Variants in SMC4 observed in about 807,000 individuals in gnomAD.
The protein encoded by SMC4 is structural maintenance of chromosomes 4.
In SMC4, 87 loss-of-function variants were observed where a neutral mutation model predicts 145.6. The ratio of observed to expected loss-of-function variants is 0.60; its 90% CI spans 0.50 to 0.71. The LOEUF (loss-of-function observed/expected upper bound fraction) is 0.71. Ranked by LOEUF, SMC4 falls within the 30% of genes least tolerant of loss-of-function variation. The pLI, the probability that SMC4 is intolerant of heterozygous loss-of-function variation, is 0.00. For missense variants in SMC4, 1,447 were observed against 1,537.1 expected, an observed-to-expected ratio of 0.94 and a Z score of 0.98; for synonymous variants, 558 against 500.7, an observed-to-expected ratio of 1.11 and a Z score of -1.53.
chr3:160,424,734 C>G (rs376744444), intron 15 of SMC4, 133 bp from the exon 16 acceptor site: 4 of 869,676 alleles, frequency 4.6e-6, no homozygotes, highest in Non-Finnish European at 7.2e-6. Flanking sequence ...CGCTTGAACC[C>G]GGGAGGCGGA....
chr3:160,426,205 G>GT lies in SMC4; in HGVS notation c.2605+8dup. 1 of 1,584,362 alleles carries GT rather than the reference G, an allele frequency of 6.3e-7. No individual in the cohort carries two copies. Among genetic ancestry groups the GT allele is most frequent in the Non-Finnish European group, 8.5e-7 (1 of 1,169,882 alleles). ...ACGTTAGTGCTTTCAAAACAGGTAT[G>GT]TTTAGAGATAGACCTTTTTTGGGGG... On this transcript the variant is annotated splice_donor_region_variant and intron_variant, in intron 17 of 23. Transcript: ENST00000357388.
rs374492116 is a variant in SMC4, at chr3:160,418,182, C to G, written c.1671+226C>G. Reference sequence around the variant, plus strand: ...CATATAGTAAGTAAATCACCACCACCACCCCACTGTAGAAATAATTTAAAC... The same window carrying G: ...CATATAGTAAGTAAATCACCACCACGACCCCACTGTAGAAATAATTTAAAC... On this transcript the variant is annotated intron_variant, in intron 11 of 23. Coordinates refer to ENST00000357388, the MANE Select transcript of SMC4 (RefSeq NM_001002800.3). Among the ~76,000 whole-genome samples the G allele has an allele frequency of 7.2e-4, 109 of 152,168 alleles. 1 individual carries two copies. The highest frequency in any genetic ancestry group is 3.4e-3 in the Middle Eastern group (1 of 294).
chr3:160,401,854 C>T (rs1714704661), intron 2 of SMC4, 61 bp from the exon 3 acceptor site: 6 of 1,329,412 alleles, frequency 4.5e-6, no homozygotes, highest in Non-Finnish European at 6.2e-6. Flanking sequence ...GAACTAATTG[C>T]ACTAATGTAG....
In SMC4 at chr3:160,412,369, A is replaced by G. The variant is rs2108466987; in HGVS notation, c.896A>G (p.Glu299Gly). The change falls in exon 7 of 24, where the codon GAA becomes GGA. Residue 299 changes from glutamate (E) to glycine (G), a missense_variant. Glu to Gly is a moderately conservative substitution (Grantham distance 98). Coordinates refer to ENST00000357388, the MANE Select transcript of SMC4 (RefSeq NM_001002800.3). ...GTGGAAAAGGAAAAGGATGCCTTAGAAGGAGAGAAAAACATAGCTATCGAA... is the reference window on the plus strand; with the variant it reads ...GTGGAAAAGGAAAAGGATGCCTTAGGAGGAGAGAAAAACATAGCTATCGAA... ...KMVEKEKDAL[E>G]GEKNIAIEFL... The G allele has an allele frequency of 6.2e-7, 1 of 1,604,262 alleles. No homozygotes were observed. Among genetic ancestry groups the G allele is most frequent in the South Asian group, 1.1e-5 (1 of 90,646 alleles).
chr3:160,421,301 T>C (rs1231675758), intron 13 of SMC4, among the ~76,000 whole-genome samples: 1 of 152,206 alleles, frequency 6.6e-6, no homozygotes, highest in African/African-American at 2.4e-5. Flanking sequence ...GGTTACTCAG[T>C]GAACACCTGA....
chr3:160,421,322 C>T (rs1052194889), intron 13 of SMC4, among the ~76,000 whole-genome samples: 6 of 152,058 alleles, frequency 3.9e-5, no homozygotes, highest in Non-Finnish European at 5.9e-5. Flanking sequence ...TGGGTTTTGA[C>T]GATTATTTTA....
At position 160,430,114 on chromosome 3, in the gene SMC4, A is replaced by T. The variant is rs537528994; in HGVS notation, c.2796-485A>T. ...ATAGCCATTTCTTTTTTTAGAAAAA[A>T]TTTTAACAAATTGATTGCATATTGA... is the stretch of plus-strand genomic sequence containing the variant. On this transcript the variant is annotated intron_variant, in intron 18 of 23. Coordinates refer to ENST00000357388, the MANE Select transcript of SMC4 (RefSeq NM_001002800.3). Among the ~76,000 whole-genome samples, 11 of 152,280 alleles carry T rather than the reference A, an allele frequency of 7.2e-5. No individual in the cohort carries two copies. The East Asian group carries it at 1.2e-3, about 16-fold the overall frequency.
At chr3:160,419,575 C>CTTT in intron 12 of SMC4, 32 bp downstream of exon 12, 42 of 1,317,214 alleles carry the variant, frequency 3.2e-5, no homozygotes, top group East Asian at 8.4e-5. Flanking sequence ...CATGGCTTTA[C>CTTT]TTTTTTTTTT....
chr3:160,423,287 G>A, intron 13 of SMC4, 138 bp from the exon 14 acceptor site: 1 of 639,254 alleles, frequency 1.6e-6, no homozygotes, highest in Non-Finnish European at 2.6e-6. Context: ...CTTCCGTTTA[G>A]GTCTAATTTT....
At position 160,420,853 on chromosome 3, in the gene SMC4, C is replaced by A; in HGVS notation, c.1971C>A (p.Phe657Leu). ...ATATAGCCCAAGAATGTGTAAACTTCCTTAAAAGACAAAATATTGGAGTTG... is the reference window on the plus strand; with the variant it reads ...ATATAGCCCAAGAATGTGTAAACTTACTTAAAAGACAAAATATTGGAGTTG... ...SIDIAQECVN[F>L]LKRQNIGVAT... Residue 657 changes from phenylalanine to leucine, a missense_variant, in exon 13 of 24, where the codon TTC (phenylalanine) becomes TTA (leucine). Physicochemically the swap from Phe to Leu is conservative, Grantham distance 22. Coordinates refer to ENST00000357388, the MANE Select transcript of SMC4 (RefSeq NM_001002800.3). 3 of 1,613,478 alleles carry A rather than the reference C, an allele frequency of 1.9e-6. No homozygotes were observed. Among genetic ancestry groups the A allele is most frequent in the Non-Finnish European group, 1.7e-6 (2 of 1,179,722 alleles).
Position 160,430,656 on chromosome 3 carries a change from T to A in SMC4, c.2853T>A (p.Thr951=). 6.2e-7 allele frequency: 1 copy of A among 1,613,598 alleles called. No individual in the cohort carries two copies. The highest frequency in any genetic ancestry group is 8.5e-7 in the Non-Finnish European group (1 of 1,179,790). Residue 951 remains threonine (T), a synonymous_variant, in exon 19 of 24, where the codon ACT becomes ACA. Transcript: ENST00000357388. ...VLRTEKEIKD[T]EKEVDDLTAE... ...GTACAGAGAAAGAAATAAAAGATAC[T>A]GAGAAAGAGGTGGATGACCTAACAG...
In SMC4 at chr3:160,430,680, A is replaced by T; in HGVS notation, c.2877A>T (p.Thr959=). The T allele has an allele frequency of 6.2e-7, 1 of 1,613,906 alleles. No individual in the cohort carries two copies. The highest frequency in any genetic ancestry group is 1.1e-5 in the South Asian group (1 of 91,052). The change falls in exon 19 of 24, where the codon ACA becomes ACT. Residue 959 remains threonine, a synonymous_variant. Coordinates refer to ENST00000357388, the MANE Select transcript of SMC4 (RefSeq NM_001002800.3). ...KDTEKEVDDL[T]AELKSLEDKA... ...CTGAGAAAGAGGTGGATGACCTAAC[A>T]GCAGAGCTGAAAAGTCTTGAGGACA...
In SMC4 at chr3:160,401,998, A is replaced by C. The variant is rs767879331; in HGVS notation, c.223A>C (p.Asn75His). 6.2e-7 allele frequency: 1 copy of C among 1,605,118 alleles called. No individual in the cohort carries two copies. The highest frequency in any genetic ancestry group is 2.3e-5 in the East Asian group (1 of 44,172). Residue 75 changes from asparagine to histidine, a missense_variant, in exon 3 of 24, where the codon AAT becomes CAT. Physicochemically the swap from Asn to His is moderately conservative, Grantham distance 68. Transcript: ENST00000357388. ...TCCTCCCCCGCCTCCAGCAATGACC[A>C]ATGAAGCTGGAGCTCCTCGGCTTAT... ...IPPPPPPAMT[N>H]EAGAPRLMIT...
At chr3:160,420,960 C>G in intron 13 of SMC4, 59 bp downstream of exon 13, 1 of 1,407,272 alleles carries the variant, frequency 7.1e-7, no homozygotes, top group Non-Finnish European at 9.6e-7. Flanking sequence ...GACGTAGTCT[C>G]GCTCTGTCAC....
At chr3:160,417,254 C>G (rs1272545866) in intron 10 of SMC4, among the ~76,000 whole-genome samples, 2 of 152,074 alleles carry the variant, frequency 1.3e-5, no homozygotes, top group Non-Finnish European at 2.9e-5. Context: ...TGAAGTGTCA[C>G]TTAATAGAGT....
chr3:160,418,966 C>T (rs926785261), intron 11 of SMC4, among the ~76,000 whole-genome samples: 1 of 152,096 alleles, frequency 6.6e-6, no homozygotes, highest in Admixed American at 6.5e-5. Context: ...ACAGCATAAC[C>T]GTAGTCCTGC....
rs1714243078 is a variant in SMC4 at position 160,399,711 on chromosome 3, A to C, written c.-44A>C. On this transcript the variant is annotated 5_prime_UTR_variant, in exon 1 of 24. Transcript: ENST00000357388. ...AGGAGCGGGGAGGTGGGTACTACAC[A>C]ACCGTCTCCAGCCTTGGTCTGAGTG... 1 of 152,688 alleles carries C rather than the reference A, an allele frequency of 6.5e-6. No individual in the cohort carries two copies. The highest frequency in any genetic ancestry group is 1.5e-5 in the Non-Finnish European group (1 of 68,060). The allele number at this position is 152,688 out of a possible 1,614,324, so 9.5% of individuals were successfully genotyped here.
rs1716707743 is a variant in SMC4 at position 160,417,485 on chromosome 3, C to CA, written c.1438-237dup. 6 of 482,478 alleles carry CA rather than the reference C, an allele frequency of 1.2e-5. No homozygotes were observed. In the South Asian group the frequency reaches 1.5e-4, roughly 12 times the overall value. The allele number at this position is 482,478 out of a possible 1,614,324, so 29.9% of individuals were successfully genotyped here. A position where few individuals can be genotyped will look rare whatever the true frequency, so the allele number is the denominator to read the frequency against. On this transcript the variant is annotated intron_variant, in intron 10 of 23. Transcript: ENST00000357388. The stretch of plus-strand genomic sequence containing the variant: ...CTAGGCCTCAAATGTCTTTATTCCT[C>CA]AGCGTAATGATCGATCTCACAAAGC...
At chr3:160,419,702 TAC>T (rs1347819768) in intron 12 of SMC4, among the ~76,000 whole-genome samples, 159 bp downstream of exon 12, 12 of 152,178 alleles carry the variant, frequency 7.9e-5, no homozygotes, top group Non-Finnish European at 1.8e-4. Context: ...ATTTTGCCCT[TAC>T]AGTTTCTTGT....
Sources: allele counts gnomAD v4.1 joint callset (sites outside exome capture counted in the v4.1 genomes callset), GRCh38; gene constraint gnomAD v4.1.1; transcripts MANE v1.5; gene names NCBI Gene and HGNC (gene_info 2026-07-23, HGNC 2026-07-21).